Variants in TFEC observed in about 807,000 individuals in gnomAD.
The protein encoded by TFEC is class E basic helix-loop-helix protein 34.
In TFEC, 31 loss-of-function variants were observed where a neutral mutation model predicts 41.6. That is an observed-to-expected ratio of 0.74 (90% confidence interval 0.56 to 1.01). The LOEUF (loss-of-function observed/expected upper bound fraction) is 1.01. Ranked by LOEUF, TFEC falls within the 50% of genes least tolerant of loss-of-function variation. The pLI is 0.00. For missense variants in TFEC, 402 were observed against 404.1 expected, an observed-to-expected ratio of 0.99 and a Z score of 0.04; for synonymous variants, 143 against 140.6, an observed-to-expected ratio of 1.02 and a Z score of -0.12.
chr7:116,158,285 TTC>T (rs758166160), intron 1 of TFEC, among the ~76,000 whole-genome samples: 5 of 152,102 alleles, frequency 3.3e-5, no homozygotes, highest in African/African-American at 4.8e-5. Context: ...TAATGACTAT[TTC>T]TCTTTTTTCC....
At chr7:116,062,599 A>ATATATATATATG (rs1400618373) in intron 3 of TFEC, among the ~76,000 whole-genome samples, 5 of 119,984 alleles carry the variant, frequency 4.2e-5, no homozygotes, top group Non-Finnish European at 7.0e-5. Flanking sequence ...ATATATATAT[A>ATATATATATATG]TCACATTTTT....
At chr7:115,945,192 A>G (rs969562575) in intron 6 of TFEC, among the ~76,000 whole-genome samples, 1 of 150,766 alleles carries the variant, frequency 6.6e-6, no homozygotes, top group African/African-American at 2.4e-5. Flanking sequence ...GTCATAACAT[A>G]ATAATGTCAT....
chr7:115,963,000 C>G (rs1021868145), intron 3 of TFEC, among the ~76,000 whole-genome samples: 1 of 151,674 alleles, frequency 6.6e-6, no homozygotes, highest in African/African-American at 2.4e-5. Flanking sequence ...ATCCCTCCCC[C>G]AGTCCCCCTC....
intron 1 of TFEC, among the ~76,000 whole-genome samples, chr7:116,115,858 T>C (rs1161927338): frequency 6.6e-6 from 1 of 151,982 alleles, no homozygotes; most frequent in East Asian, 1.9e-4. Flanking sequence ...CGGATGTTTT[T>C]ATAAGTGCTT....
At chr7:115,968,455 T>C in intron 3 of TFEC, 1 of 555,290 alleles carries the variant, frequency 1.8e-6, no homozygotes. Context: ...TCCTCGTCTC[T>C]GGAATGATCT....
At chr7:116,036,126 C>A (rs1453973338) in intron 3 of TFEC, among the ~76,000 whole-genome samples, 1 of 151,866 alleles carries the variant, frequency 6.6e-6, no homozygotes, top group African/African-American at 2.4e-5. Flanking sequence ...GATTATTTTG[C>A]CTCATTTGTC....
At chr7:116,154,102 CTTTAAT>C (rs1378054571) in intron 1 of TFEC, among the ~76,000 whole-genome samples, 5 of 152,142 alleles carry the variant, frequency 3.3e-5, no homozygotes, top group Non-Finnish European at 5.9e-5. Flanking sequence ...GAGGACTGTT[CTTTAAT>C]TTTAGTTATG....
chr7:116,120,784 T>C (rs1243735106), intron 1 of TFEC, among the ~76,000 whole-genome samples: 3 of 151,944 alleles, frequency 2.0e-5, no homozygotes, highest in African/African-American at 4.8e-5. Flanking sequence ...GTTCAGTAAT[T>C]TTGATTGAAG....
At chr7:116,005,852 C>A (rs1375387570) in intron 1 of TFEC, among the ~76,000 whole-genome samples, 2 of 152,216 alleles carry the variant, frequency 1.3e-5, no homozygotes, top group African/African-American at 4.8e-5. Context: ...GTCCCAGGGT[C>A]CCCATGCTGT....
At chr7:115,958,271 T>C (rs1363442413) in intron 3 of TFEC, among the ~76,000 whole-genome samples, 1 of 151,890 alleles carries the variant, frequency 6.6e-6, no homozygotes, top group African/African-American at 2.4e-5. Context: ...CAATTATTCT[T>C]TGGAAGAAAT....
At chr7:115,984,119 A>C (rs924910532) in intron 2 of TFEC, 143 bp downstream of exon 2, 2 of 1,068,264 alleles carry the variant, frequency 1.9e-6, no homozygotes, top group East Asian at 5.2e-5. Flanking sequence ...TAGTTAATAA[A>C]TAGAGAATAA....
In TFEC at chr7:115,984,314, G is replaced by A. The variant is rs770525266; in HGVS notation, c.128C>T (p.Pro43Leu). 1.9e-6 allele frequency: 3 copies of A among 1,613,986 alleles called. No individual in the cohort carries two copies. The highest frequency in any genetic ancestry group is 2.7e-5 in the African/African-American group (2 of 74,914). Reference sequence around the variant, plus strand: ...CCCAATAGCTAGTAACTTGGTGAGTGGGTTTTCTGTGAGGCCAGCATCACT... The same window carrying A: ...CCCAATAGCTAGTAACTTGGTGAGTAGGTTTTCTGTGAGGCCAGCATCACT... ...LDSDAGLTEN[P>L]LTKLLAIGKE... is the part of the protein sequence containing the mutation. Residue 43 changes from proline to leucine, a missense_variant, in exon 2 of 8, where the codon CCA becomes CTA. By Grantham distance (98) the Pro-to-Leu change is moderately conservative. Transcript: ENST00000265440.
At chr7:116,131,563 A>G (rs1379662232) in intron 1 of TFEC, among the ~76,000 whole-genome samples, 1 of 152,246 alleles carries the variant, frequency 6.6e-6, no homozygotes, top group Non-Finnish European at 1.5e-5. Flanking sequence ...AACTAACTGC[A>G]TACAAAATAT....
At chr7:115,953,208 C>T (rs1404430189) in intron 5 of TFEC, among the ~76,000 whole-genome samples, 1 of 141,998 alleles carries the variant, frequency 7.0e-6, no homozygotes, top group Non-Finnish European at 1.6e-5. Flanking sequence ...CTGACACTGC[C>T]CTGCCCTGAC....
intron 3 of TFEC, among the ~76,000 whole-genome samples, chr7:116,070,152 G>A (rs1047983402): frequency 4.0e-5 from 6 of 151,314 alleles, no homozygotes; most frequent in East Asian, 3.8e-4. Flanking sequence ...GTATATGTGT[G>A]TGTGTGCGCG....
intron 6 of TFEC, among the ~76,000 whole-genome samples, chr7:115,949,011 C>T (rs1002157844): frequency 2.0e-5 from 3 of 151,956 alleles, no homozygotes; most frequent in East Asian, 1.9e-4. Flanking sequence ...TCTCAGGATA[C>T]AAAATCAATG....
At chr7:115,966,508 A>G (rs913366397) in intron 3 of TFEC, among the ~76,000 whole-genome samples, 12 of 151,780 alleles carry the variant, frequency 7.9e-5, no homozygotes, top group African/African-American at 1.9e-4. Flanking sequence ...AGTAATCTTT[A>G]CAACAACTCT....
At chr7:115,999,081 A>C (rs1354890725) in intron 1 of TFEC, among the ~76,000 whole-genome samples, 2 of 151,934 alleles carry the variant, frequency 1.3e-5, no homozygotes, top group Admixed American at 1.3e-4. Context: ...CCACATAACA[A>C]GTCTTAAAAA....
chr7:116,153,930 A>G (rs1349679343), intron 1 of TFEC, among the ~76,000 whole-genome samples: 1 of 152,226 alleles, frequency 6.6e-6, no homozygotes, highest in East Asian at 1.9e-4. Flanking sequence ...TCATAGAAAA[A>G]GGAAGAAAAC....
Sources: allele counts gnomAD v4.1 joint callset (sites outside exome capture counted in the v4.1 genomes callset), GRCh38; gene constraint gnomAD v4.1.1; transcripts MANE v1.5; gene names NCBI Gene and HGNC (gene_info 2026-07-23, HGNC 2026-07-21).